PKNOX2: variants seen among roughly 807,000 people sequenced by gnomAD.
PKNOX2 encodes the protein PBX/knotted 1 homeobox 2, also known as homeobox protein PKNOX2.
In PKNOX2, 14 loss-of-function variants were observed where a neutral mutation model predicts 53.1. The ratio of observed to expected loss-of-function variants is 0.26; its 90% CI spans 0.17 to 0.41. PKNOX2 has a LOEUF of 0.41. Ranked by LOEUF, PKNOX2 falls within the 10% of genes least tolerant of loss-of-function variation. The pLI is 1.00. For missense variants in PKNOX2, 496 were observed against 602.8 expected, an observed-to-expected ratio of 0.82 and a Z score of 1.85; for synonymous variants, 257 against 242.8, an observed-to-expected ratio of 1.06 and a Z score of -0.54.
chr11:125,351,967 C>G (rs1162985865), intron 4 of PKNOX2, among the ~76,000 whole-genome samples: 1 of 152,126 alleles, frequency 6.6e-6, no homozygotes, highest in African/African-American at 2.4e-5. Context: ...CAGCTTCCAT[C>G]CCTCAGATCA....
chr11:125,219,662 C>T (rs1940922964), intron 1 of PKNOX2, among the ~76,000 whole-genome samples: 1 of 152,170 alleles, frequency 6.6e-6, no homozygotes, highest in African/African-American at 2.4e-5. Context: ...AGAGCATGAT[C>T]AACCTTGCAC....
At chr11:125,423,945 G>C (rs1013159525) in intron 10 of PKNOX2, among the ~76,000 whole-genome samples, 1 of 152,162 alleles carries the variant, frequency 6.6e-6, no homozygotes, top group Non-Finnish European at 1.5e-5. Flanking sequence ...CGATTAAAAG[G>C]AACAATTACA....
chr11:125,257,561 C>G (rs1287160321), intron 2 of PKNOX2, among the ~76,000 whole-genome samples: 1 of 152,212 alleles, frequency 6.6e-6, no homozygotes, highest in Non-Finnish European at 1.5e-5. Flanking sequence ...TACTAAGAAT[C>G]TGACATTGGG....
chr11:125,340,380 A>C (rs560723590), intron 3 of PKNOX2, among the ~76,000 whole-genome samples: 3 of 152,308 alleles, frequency 2.0e-5, no homozygotes, highest in African/African-American at 4.8e-5. Context: ...AGTTTCTAGG[A>C]GTCTCAGTCC....
Position 125,385,730 on chromosome 11 carries a change from C to T in PKNOX2, c.399+8C>T. 6.2e-7 allele frequency: 1 copy of T among 1,612,618 alleles called. No individual in the cohort carries two copies. The highest frequency in any genetic ancestry group is 8.5e-7 in the Non-Finnish European group (1 of 1,179,418). On this transcript the variant is annotated splice_region_variant and intron_variant, in intron 6 of 12. Transcript: ENST00000298282. ...CCAGAACTGGACAATCTGGTAAAGA[C>T]CCTCCACCCTCTACCCTGGCTAGAG...
intron 2 of PKNOX2, among the ~76,000 whole-genome samples, chr11:125,297,195 C>T (rs966988448): frequency 5.9e-5 from 9 of 152,188 alleles, no homozygotes; most frequent in African/African-American, 1.9e-4. Context: ...GATGAGAAAA[C>T]TAATAAATAG....
intron 2 of PKNOX2, among the ~76,000 whole-genome samples, chr11:125,239,258 G>A (rs1942972121): frequency 6.6e-6 from 1 of 152,168 alleles, no homozygotes; most frequent in African/African-American, 2.4e-5. Flanking sequence ...TATTGAATGA[G>A]CAATAAAGAG....
At chr11:125,311,828 A>G (rs959404949) in intron 2 of PKNOX2, among the ~76,000 whole-genome samples, 2 of 152,158 alleles carry the variant, frequency 1.3e-5, no homozygotes, top group African/African-American at 4.8e-5. Flanking sequence ...TTCCTCTGTG[A>G]TCCTTAAAAA....
chr11:125,277,191 G>A (rs1161383299), intron 2 of PKNOX2, among the ~76,000 whole-genome samples: 3 of 152,166 alleles, frequency 2.0e-5, no homozygotes, highest in African/African-American at 7.2e-5. Flanking sequence ...CAAAATCTAG[G>A]AAACGGCCAT....
intron 1 of PKNOX2, among the ~76,000 whole-genome samples, chr11:125,173,077 T>G (rs1039747272): frequency 6.6e-6 from 1 of 152,172 alleles, no homozygotes; most frequent in Non-Finnish European, 1.5e-5. Flanking sequence ...AGTGTGCACA[T>G]CACTTAACCC....
Position 125,381,270 on chromosome 11 carries a change from G to A in PKNOX2, c.228-4281G>A, listed in dbSNP as rs1285817594. Among the ~76,000 whole-genome samples the A allele has an allele frequency of 4.6e-5, 7 of 152,268 alleles. 1 individual carries two copies. Among genetic ancestry groups the A allele is most frequent in the Admixed American group, 4.6e-4 (7 of 15,310 alleles). On this transcript the variant is annotated intron_variant, in intron 5 of 12. Coordinates refer to ENST00000298282, the MANE Select transcript of PKNOX2 (RefSeq NM_001382323.2). ...AACAGGGCTCTGGGATGGGATGGGA[G>A]GAGCCAGACGCTGGAGCATGGGGAG...
chr11:125,318,425 C>T (rs1295089718), intron 2 of PKNOX2, among the ~76,000 whole-genome samples: 3 of 152,080 alleles, frequency 2.0e-5, no homozygotes, highest in African/African-American at 7.2e-5. Flanking sequence ...CCTGCCCCAA[C>T]TTTTCTTCTG....
intron 1 of PKNOX2, among the ~76,000 whole-genome samples, chr11:125,194,207 C>G (rs1417331694): frequency 1.3e-5 from 2 of 152,206 alleles, no homozygotes; most frequent in Admixed American, 1.3e-4. Context: ...ACATGCTTCT[C>G]CTTTTCCAGT....
chr11:125,359,033 G>A (rs1247279542), intron 4 of PKNOX2, among the ~76,000 whole-genome samples: 2 of 152,150 alleles, frequency 1.3e-5, no homozygotes, highest in African/African-American at 4.8e-5. Flanking sequence ...GTGGGAGGCA[G>A]GTTGCAGGGG....
At chr11:125,285,305 C>G in intron 2 of PKNOX2, among the ~76,000 whole-genome samples, 1 of 152,116 alleles carries the variant, frequency 6.6e-6, no homozygotes, top group Non-Finnish European at 1.5e-5. Flanking sequence ...GGAAAACACA[C>G]CCCAGATTCC....
intron 1 of PKNOX2, among the ~76,000 whole-genome samples, chr11:125,209,748 CAAAT>C (rs1027223783): frequency 1.1e-4 from 17 of 151,978 alleles, no homozygotes; most frequent in East Asian, 1.9e-4. Context: ...TGTGGAAAAA[CAAAT>C]AAAGAGGCAA....
chr11:125,374,665 G>A (rs1952735974), intron 5 of PKNOX2, among the ~76,000 whole-genome samples: 1 of 152,136 alleles, frequency 6.6e-6, no homozygotes. Flanking sequence ...TGCTTCCACG[G>A]CTCACCTCCC....
At chr11:125,369,305 C>T (rs975599774) in intron 5 of PKNOX2, among the ~76,000 whole-genome samples, 4 of 152,204 alleles carry the variant, frequency 2.6e-5, no homozygotes, top group African/African-American at 9.6e-5. Context: ...GGCCCAGCTG[C>T]CTGCTGGTGG....
chr11:125,417,424 G>A (rs1591565621), intron 10 of PKNOX2, among the ~76,000 whole-genome samples: 1 of 151,972 alleles, frequency 6.6e-6, no homozygotes, highest in African/African-American at 2.4e-5. Flanking sequence ...CAGCGTGCCG[G>A]GTTCTGCACT....
Sources: gnomAD v4.1 joint callset for allele counts (sites outside exome capture counted in the v4.1 genomes callset) on GRCh38, gnomAD v4.1.1 for gene constraint, MANE v1.5 for transcripts, NCBI Gene and HGNC (gene_info 2026-07-23, HGNC 2026-07-21) for gene names.